PSME4: variants seen among roughly 807,000 people sequenced by gnomAD.
PSME4 encodes the protein proteasome activator complex subunit 4.
Under a neutral mutation model 253.9 loss-of-function variants are expected in PSME4, and 89 were observed. The ratio of observed to expected loss-of-function variants is 0.35; its 90% CI spans 0.30 to 0.42. The LOEUF (loss-of-function observed/expected upper bound fraction) is 0.42. Ranked by LOEUF, PSME4 falls within the 10% of genes least tolerant of loss-of-function variation. The pLI is 1.00. For missense variants in PSME4, 2,014 were observed against 2,195.2 expected, an observed-to-expected ratio of 0.92 and a Z score of 1.65; for synonymous variants, 851 against 759.2, an observed-to-expected ratio of 1.12 and a Z score of -1.99.
chr2:53,912,155 C>A (rs535921939), intron 20 of PSME4, among the ~76,000 whole-genome samples: 1 of 152,120 alleles, frequency 6.6e-6, no homozygotes, highest in Non-Finnish European at 1.5e-5. Flanking sequence ...TACTTACACG[C>A]AGATTTTTTT....
intron 44 of PSME4, among the ~76,000 whole-genome samples, chr2:53,868,587 A>G (rs562976172): frequency 7.4e-6 from 1 of 135,082 alleles, no homozygotes; most frequent in African/African-American, 2.8e-5. Flanking sequence ...AAATATATTT[A>G]TAATATATAT....
At chr2:53,936,717 G>GA (rs751701374) in intron 6 of PSME4, 47 bp downstream of exon 6, 50,651 of 1,048,922 alleles carry the variant, frequency 0.048, 1 homozygote, top group South Asian at 0.065. Flanking sequence ...GGGGAAAAAA[G>GA]AAAAAAAAAA....
chr2:53,934,767 T>A (rs375743736), intron 7 of PSME4, 40 bp from the exon 8 acceptor site: 3 of 1,459,664 alleles, frequency 2.1e-6, no homozygotes, highest in Non-Finnish European at 1.9e-6. Context: ...TTTACAGGTA[T>A]CAAAATAATT....
chr2:53,965,690 G>A lies in PSME4; in HGVS notation c.242+4853C>T, dbSNP rs182689988. On this transcript the variant is annotated intron_variant, in intron 1 of 46. Coordinates refer to ENST00000404125, the MANE Select transcript of PSME4 (RefSeq NM_014614.3). ...TTTTTGTTTTTTTTTTTTTGAGTCA[G>A]AGTCTCGCTCTGTCGCCCAGGCTGG... Among the ~76,000 whole-genome samples, 45 of 142,556 alleles carry A rather than the reference G, an allele frequency of 3.2e-4. No individual in the cohort carries two copies. In the East Asian group the frequency reaches 8.3e-3, roughly 26 times the overall value. The allele number at this position is 142,556 out of a possible 152,430, so 93.5% of individuals were successfully genotyped here.
intron 17 of PSME4, among the ~76,000 whole-genome samples, chr2:53,921,688 G>A (rs1668327663): frequency 7.2e-6 from 1 of 139,634 alleles, no homozygotes; most frequent in Non-Finnish European, 1.6e-5. Flanking sequence ...CTAAAACGGT[G>A]AAACCCCGTC....
At chr2:53,870,043 T>G (rs1678795073) in intron 43 of PSME4, 1 of 152,306 alleles carries the variant, frequency 6.6e-6, no homozygotes, top group Non-Finnish European at 1.5e-5. Context: ...TTTACAAAAG[T>G]ACTAAATGAA....
Position 53,970,797 on chromosome 2 carries a change from ACC to A in PSME4, c.-15_-14del. The A allele has an allele frequency of 1.4e-6, 2 of 1,400,476 alleles. No homozygotes were observed. The highest frequency in any genetic ancestry group is 1.9e-6 in the Non-Finnish European group (2 of 1,047,728). The allele number at this position is 1,400,476 out of a possible 1,614,324, so 86.8% of individuals were successfully genotyped here. A position where few individuals can be genotyped will look rare whatever the true frequency, so the allele number is the denominator to read the frequency against. ...CGGCCGGCTCCATGAGCCCAGGGAC[ACC>A]CCCCCCACCCCCTCCCACCCGAACC... On this transcript the variant is annotated 5_prime_UTR_variant, in exon 1 of 47. Coordinates refer to ENST00000404125, the MANE Select transcript of PSME4 (RefSeq NM_014614.3).
At chr2:53,927,868 A>C (rs2104456738) in intron 11 of PSME4, among the ~76,000 whole-genome samples, 1 of 152,190 alleles carries the variant, frequency 6.6e-6, no homozygotes, top group Admixed American at 6.5e-5. Flanking sequence ...AATTGCTGGA[A>C]CCCAGGAGGT....
chr2:53,893,621 G>T, intron 35 of PSME4, 53 bp downstream of exon 35: 2 of 1,587,194 alleles, frequency 1.3e-6, no homozygotes, highest in South Asian at 1.1e-5. Flanking sequence ...ATGAACCTAC[G>T]AACTGAATAG....
Position 53,945,874 on chromosome 2 carries a change from T to G in PSME4, c.500+2547A>C, listed in dbSNP as rs533278360. ...TCACAGTGTAGGTAATGAGTATAGG[T>G]AGGTTATATGATTTATAAATTTTAT... is the stretch of plus-strand genomic sequence containing the variant. On this transcript the variant is annotated intron_variant, in intron 3 of 46. Transcript: ENST00000404125. 8.6e-4 allele frequency among the ~76,000 whole-genome samples: 131 copies of G among 152,282 alleles called. 1 individual carries two copies. Among genetic ancestry groups the G allele is most frequent in the Non-Finnish European group, 1.1e-3 (77 of 68,026 alleles).
At chr2:53,892,683 G>A (rs564803092) in intron 36 of PSME4, 125 bp downstream of exon 36, 45 of 819,540 alleles carry the variant, frequency 5.5e-5, no homozygotes, top group South Asian at 2.3e-4. Flanking sequence ...TCTACATATC[G>A]GCATATTTCA....
rs147404114 is a variant in PSME4, at chr2:53,896,705, A to G, written c.3688+99T>C. The G allele has an allele frequency of 4.3e-4, 372 of 869,868 alleles. 2 individuals carry two copies. In the African/African-American group the frequency reaches 5.5e-3, roughly 13 times the overall value. The allele number at this position is 869,868 out of a possible 1,614,324, so 53.9% of individuals were successfully genotyped here. ...ATTTATATTTTGTGTTAATATCCATAGAACAATATTTGAGGTCAAGAACTA... is the reference window on the plus strand; with the variant it reads ...ATTTATATTTTGTGTTAATATCCATGGAACAATATTTGAGGTCAAGAACTA... On this transcript the variant is annotated intron_variant, in intron 32 of 46. Coordinates refer to ENST00000404125, the MANE Select transcript of PSME4 (RefSeq NM_014614.3).
At chr2:53,895,196 G>A in intron 33 of PSME4, 120 bp from the exon 34 acceptor site, 1 of 773,322 alleles carries the variant, frequency 1.3e-6, no homozygotes, top group Middle Eastern at 2.4e-4. Flanking sequence ...TTGGGGAGAT[G>A]AGTACAGCAG....
At chr2:53,954,846 A>T (rs1274341814) in intron 1 of PSME4, among the ~76,000 whole-genome samples, 1 of 151,938 alleles carries the variant, frequency 6.6e-6, no homozygotes. Flanking sequence ...TCAAAAAAAA[A>T]AATAACAATA....
chr2:53,928,007 T>G, intron 11 of PSME4, 110 bp downstream of exon 11: 1 of 695,170 alleles, frequency 1.4e-6, no homozygotes, highest in Admixed American at 3.0e-5. Context: ...ACAACATTTA[T>G]TTTCATATTT....
chr2:53,923,913 CAAAAAAAAAAAAAAAA>C (rs199929436), intron 14 of PSME4, among the ~76,000 whole-genome samples: 71 of 96,878 alleles, frequency 7.3e-4, no homozygotes, highest in African/African-American at 1.3e-3. Flanking sequence ...ACAGAGTTAA[CAAAAAAAAAAAAAAAA>C]AAAAAAAAAA....
At chr2:53,937,325 T>G in intron 5 of PSME4, 66 bp downstream of exon 5, 1 of 1,361,308 alleles carries the variant, frequency 7.3e-7, no homozygotes, top group Middle Eastern at 2.0e-4. Context: ...GTTATTGTTT[T>G]ACTAGTTTCT....
At chr2:53,930,406 T>C (rs992542216) in intron 10 of PSME4, among the ~76,000 whole-genome samples, 1 of 152,184 alleles carries the variant, frequency 6.6e-6, no homozygotes, top group Non-Finnish European at 1.5e-5. Context: ...CCAGGGAGCA[T>C]CAGGGAACCT....
Position 53,920,342 on chromosome 2 carries a change from G to A in PSME4, c.2271C>T (p.Gly757=), listed in dbSNP as rs773631442. 1.9e-5 allele frequency: 30 copies of A among 1,611,564 alleles called. No homozygotes were observed. Among genetic ancestry groups the A allele is most frequent in the Non-Finnish European group, 6.8e-6 (8 of 1,178,744 alleles). The part of the protein sequence containing the change: ...PSEYFPIKDW[G]KPGDLWNLGI... The stretch of plus-strand genomic sequence containing the variant: ...CCAGATTCCACAAGTCCCCGGGTTT[G>A]CCCCAGTCCTAGAAGAGAACAGCAT... Residue 757 remains glycine, a synonymous_variant, in exon 19 of 47, where the codon GGC becomes GGT. Coordinates refer to ENST00000404125, the MANE Select transcript of PSME4 (RefSeq NM_014614.3).
Sources: allele counts gnomAD v4.1 joint callset (sites outside exome capture counted in the v4.1 genomes callset), GRCh38; gene constraint gnomAD v4.1.1; transcripts MANE v1.5; gene names NCBI Gene and HGNC (gene_info 2026-07-23, HGNC 2026-07-21).